CDH18: variants seen among roughly 807,000 people sequenced by gnomAD.
The protein encoded by CDH18 is cadherin-18.
CDH18 carries 31 observed loss-of-function variants against 67.9 expected under a neutral mutation model. The ratio of observed to expected loss-of-function variants is 0.46; its 90% CI spans 0.34 to 0.62. The LOEUF is 0.62. Ranked by LOEUF, CDH18 falls within the 20% of genes least tolerant of loss-of-function variation. CDH18 has a pLI of 0.01. For synonymous variants in CDH18, 362 were observed against 347.2 expected (o/e 1.04, Z -0.48); for missense variants, 890 against 975.5 (o/e 0.91, Z 1.17).
chr5:19,863,401 G>A lies in CDH18; in HGVS notation c.-256-24159C>T, dbSNP rs77027768. On this transcript the variant is annotated intron_variant, in intron 2 of 12. Coordinates refer to ENST00000382275, the MANE Select transcript of CDH18 (RefSeq NM_004934.5). ...TTTCCTATTGACCCAACACACTACAGGTGAGTGAATCCCAAATACTGGCAA... is the reference window on the plus strand; with the variant it reads ...TTTCCTATTGACCCAACACACTACAAGTGAGTGAATCCCAAATACTGGCAA... Among the ~76,000 whole-genome samples, 53 of 152,272 alleles carry A rather than the reference G, an allele frequency of 3.5e-4. No homozygotes were observed. In the East Asian group the frequency reaches 7.7e-3, roughly 22 times the overall value.
intron 1 of CDH18, among the ~76,000 whole-genome samples, chr5:20,272,022 A>G (rs1745476379): frequency 6.6e-6 from 1 of 151,998 alleles, no homozygotes; most frequent in African/African-American, 2.4e-5. Flanking sequence ...TGAATAAAGA[A>G]TTAAGGAAAA....
chr5:19,509,135 C>T (rs1463571697), intron 10 of CDH18, among the ~76,000 whole-genome samples: 3 of 152,062 alleles, frequency 2.0e-5, no homozygotes, highest in Admixed American at 1.3e-4. Context: ...TCCCAAAATA[C>T]TGGGATTACA....
At chr5:20,532,899 T>C (rs1756501900) in intron 1 of CDH18, among the ~76,000 whole-genome samples, 1 of 151,890 alleles carries the variant, frequency 6.6e-6, no homozygotes, top group Non-Finnish European at 1.5e-5. Flanking sequence ...AACTCTTTTT[T>C]TTTTTCACTA....
At chr5:19,728,546 A>G (rs1767161203) in intron 4 of CDH18, among the ~76,000 whole-genome samples, 1 of 152,256 alleles carries the variant, frequency 6.6e-6, no homozygotes, top group Middle Eastern at 3.4e-3. Context: ...GTTTTTTGGT[A>G]CTACTGCTTT....
At chr5:20,146,393 G>C (rs1326490742) in intron 2 of CDH18, among the ~76,000 whole-genome samples, 1 of 151,898 alleles carries the variant, frequency 6.6e-6, no homozygotes, top group Non-Finnish European at 1.5e-5. Context: ...TTTAGAGAAA[G>C]GAACGCTAAG....
intron 6 of CDH18, among the ~76,000 whole-genome samples, chr5:19,609,949 T>G (rs928077398): frequency 1.1e-4 from 16 of 152,106 alleles, no homozygotes; most frequent in African/African-American, 3.9e-4. Context: ...ACTTCCCCAC[T>G]AGGTACATAG....
chr5:19,615,679 A>G (rs538819235), intron 5 of CDH18, among the ~76,000 whole-genome samples: 1 of 152,268 alleles, frequency 6.6e-6, no homozygotes, highest in Admixed American at 6.5e-5. Flanking sequence ...TGCTCTAAAA[A>G]TTGTCTCTTC....
intron 1 of CDH18, among the ~76,000 whole-genome samples, chr5:20,312,724 C>T (rs1028238950): frequency 3.9e-5 from 6 of 152,122 alleles, no homozygotes; most frequent in African/African-American, 1.2e-4. Flanking sequence ...TACTCCCCAA[C>T]TTACAATATT....
At chr5:20,412,691 T>A (rs1189159669) in intron 1 of CDH18, among the ~76,000 whole-genome samples, 1 of 152,100 alleles carries the variant, frequency 6.6e-6, no homozygotes, top group Non-Finnish European at 1.5e-5. Context: ...CACGAACACG[T>A]CTCAAAAGAA....
intron 1 of CDH18, among the ~76,000 whole-genome samples, chr5:20,565,993 A>G (rs1758481539): frequency 2.0e-5 from 3 of 152,066 alleles, no homozygotes; most frequent in Admixed American, 1.3e-4. Context: ...CAATTCCCTG[A>G]TTTTTGCTGA....
chr5:19,516,526 AG>A (rs1359918306), intron 10 of CDH18, among the ~76,000 whole-genome samples: 1 of 152,032 alleles, frequency 6.6e-6, no homozygotes, highest in Admixed American at 6.6e-5. Flanking sequence ...TCAATTTCAG[AG>A]GCTGTTATTG....
chr5:20,506,708 G>C (rs13354379), intron 1 of CDH18, among the ~76,000 whole-genome samples: 3,887 of 152,312 alleles, frequency 0.026, 154 homozygotes, highest in African/African-American at 0.089. Context: ...ATTGTAAACT[G>C]TTAAGTGTGT....
chr5:20,270,755 T>A (rs752102207), intron 1 of CDH18, among the ~76,000 whole-genome samples: 11 of 152,122 alleles, frequency 7.2e-5, no homozygotes, highest in Non-Finnish European at 1.5e-4. Flanking sequence ...AGTGGTAGAC[T>A]GGATAAAGAA....
intron 1 of CDH18, among the ~76,000 whole-genome samples, chr5:20,458,230 G>A (rs761368922): frequency 6.6e-6 from 1 of 152,074 alleles, no homozygotes; most frequent in Non-Finnish European, 1.5e-5. Flanking sequence ...TGATATTCTC[G>A]ACTCAGAATC....
chr5:20,531,034 T>C (rs1166316785), intron 1 of CDH18, among the ~76,000 whole-genome samples: 1 of 151,920 alleles, frequency 6.6e-6, no homozygotes, highest in African/African-American at 2.4e-5. Context: ...CTTCAGCAAA[T>C]TTACAAAAAA....
chr5:20,472,470 C>T (rs1254992611), intron 1 of CDH18, among the ~76,000 whole-genome samples: 1 of 152,094 alleles, frequency 6.6e-6, no homozygotes, highest in Non-Finnish European at 1.5e-5. Flanking sequence ...GGAGGAAGTT[C>T]GCATGTGTGA....
At chr5:20,142,437 C>T (rs1256563899) in intron 2 of CDH18, among the ~76,000 whole-genome samples, 1 of 151,582 alleles carries the variant, frequency 6.6e-6, no homozygotes, top group Non-Finnish European at 1.5e-5. Flanking sequence ...AAAATTGGCC[C>T]GGCGTGGTGG....
intron 2 of CDH18, among the ~76,000 whole-genome samples, chr5:20,170,811 G>A (rs1479514636): frequency 6.6e-6 from 1 of 151,878 alleles, no homozygotes; most frequent in Non-Finnish European, 1.5e-5. Flanking sequence ...CAGATACTAA[G>A]CCTTGTACCC....
chr5:19,770,101 CATT>C (rs1225370714), intron 3 of CDH18, among the ~76,000 whole-genome samples: 1 of 151,942 alleles, frequency 6.6e-6, no homozygotes, highest in East Asian at 1.9e-4. Context: ...AAAATTAAAA[CATT>C]ATATATTGCA....
Sources: allele counts gnomAD v4.1 joint callset (sites outside exome capture counted in the v4.1 genomes callset), GRCh38; gene constraint gnomAD v4.1.1; transcripts MANE v1.5; gene names NCBI Gene and HGNC (gene_info 2026-07-23, HGNC 2026-07-21).